The following PLXNA4 variants were observed in gnomAD, a reference collection of about 807,000 sequenced individuals.
PLXNA4 encodes plexin-A4.
In PLXNA4, 44 loss-of-function variants were observed where a neutral mutation model predicts 191.8. The observed-to-expected ratio is 0.23, with a 90% confidence interval of 0.18 to 0.29. PLXNA4 has a LOEUF of 0.29. Among genes scored for constraint, PLXNA4 ranks in the 10% least tolerant of loss-of-function variants. The pLI, the probability that PLXNA4 is intolerant of heterozygous loss-of-function variation, is 1.00. For missense variants in PLXNA4, 1,800 were observed against 2,488.8 expected, an observed-to-expected ratio of 0.72 and a Z score of 5.89; for synonymous variants, 1,082 against 1,009.5, an observed-to-expected ratio of 1.07 and a Z score of -1.36.
At chr7:132,261,753 C>A (rs1047329266) in intron 4 of PLXNA4, among the ~76,000 whole-genome samples, 3 of 152,214 alleles carry the variant, frequency 2.0e-5, no homozygotes, top group Non-Finnish European at 2.9e-5. Flanking sequence ...CCGAGCACAT[C>A]CTCTGGGTAG....
chr7:132,515,383 A>G (rs1798899155), intron 1 of PLXNA4, among the ~76,000 whole-genome samples: 1 of 152,196 alleles, frequency 6.6e-6, no homozygotes, highest in Non-Finnish European at 1.5e-5. Context: ...GCAAGTCAAA[A>G]AAAATTTTTC....
At chr7:132,265,354 A>G (rs571076690) in intron 4 of PLXNA4, among the ~76,000 whole-genome samples, 2 of 152,342 alleles carry the variant, frequency 1.3e-5, no homozygotes, top group East Asian at 3.9e-4. Flanking sequence ...GTCTATCCCA[A>G]GCTAAGTACT....
rs184611121 is a variant in PLXNA4 at position 132,327,784 on chromosome 7, G to A, written c.1372-29562C>T. On this transcript the variant is annotated intron_variant, in intron 3 of 31. Transcript: ENST00000321063. ...ATCTCTAAAACAGAGCAGAGCACAC[G>A]GTCCATTGTGCCCTGTGTATGAAGA... 1.0e-3 allele frequency among the ~76,000 whole-genome samples: 157 copies of A among 152,234 alleles called. 1 individual carries two copies. Among genetic ancestry groups the A allele is most frequent in the Middle Eastern group, 0.01 (3 of 294 alleles).
chr7:132,509,272 G>A (rs275835), intron 1 of PLXNA4, among the ~76,000 whole-genome samples: 57,533 of 151,884 alleles, frequency 0.38, 11,231 homozygotes, highest in African/African-American at 0.47. Flanking sequence ...CAGTTTCTCC[G>A]TCTCCAGGCT....
At chr7:132,155,694 TC>T (rs1258972173) in intron 25 of PLXNA4, among the ~76,000 whole-genome samples, 1 of 152,182 alleles carries the variant, frequency 6.6e-6, no homozygotes, top group Non-Finnish European at 1.5e-5. Context: ...CCCGCTGTGG[TC>T]GCTGTCCTTC....
At chr7:132,269,690 C>T (rs1414910457) in intron 4 of PLXNA4, among the ~76,000 whole-genome samples, 1 of 151,838 alleles carries the variant, frequency 6.6e-6, no homozygotes, top group Non-Finnish European at 1.5e-5. Context: ...CAACTGTTGC[C>T]CTTCCAAAAA....
chr7:132,284,990 T>A (rs1800629793), intron 4 of PLXNA4, among the ~76,000 whole-genome samples: 1 of 152,024 alleles, frequency 6.6e-6, no homozygotes, highest in East Asian at 1.9e-4. Flanking sequence ...GCTGGGATTA[T>A]AGGTGTGAGC....
chr7:132,275,251 C>T (rs1035504231), intron 4 of PLXNA4, among the ~76,000 whole-genome samples: 1 of 152,032 alleles, frequency 6.6e-6, no homozygotes, highest in Non-Finnish European at 1.5e-5. Context: ...TATAGAACCA[C>T]AGGAAGTTGT....
intron 30 of PLXNA4, among the ~76,000 whole-genome samples, chr7:132,138,953 G>C (rs763676358): frequency 1.1e-4 from 17 of 152,182 alleles, no homozygotes; most frequent in Non-Finnish European, 1.9e-4. Flanking sequence ...TGTGGCACTC[G>C]GATGACCAAC....
At chr7:132,174,677 T>C in intron 21 of PLXNA4, 101 bp downstream of exon 21, 1 of 1,537,106 alleles carries the variant, frequency 6.5e-7, no homozygotes. Context: ...TTGTGTCCCC[T>C]CCCTGGCCTT....
chr7:132,163,536 G>A (rs1261174213), intron 24 of PLXNA4, among the ~76,000 whole-genome samples: 1 of 152,180 alleles, frequency 6.6e-6, no homozygotes, highest in Non-Finnish European at 1.5e-5. Context: ...TGATCCCAAA[G>A]GCCATGCTCT....
chr7:132,646,438 T>G (rs1803871612), intron 1 of PLXNA4, among the ~76,000 whole-genome samples: 1 of 152,150 alleles, frequency 6.6e-6, no homozygotes, highest in African/African-American at 2.4e-5. Flanking sequence ...TGGTGGTATT[T>G]GGAGATGGGG....
At chr7:132,575,981 C>T (rs2116795099) in intron 1 of PLXNA4, among the ~76,000 whole-genome samples, 1 of 152,316 alleles carries the variant, frequency 6.6e-6, no homozygotes, top group Non-Finnish European at 1.5e-5. Flanking sequence ...GGCCACGGGG[C>T]CGCGATGACA....
chr7:132,172,413 C>T (rs1034762503), intron 21 of PLXNA4, among the ~76,000 whole-genome samples: 1 of 152,178 alleles, frequency 6.6e-6, no homozygotes, highest in South Asian at 2.1e-4. Context: ...GTGACCTCCC[C>T]TCCAGGACAG....
chr7:132,179,423 C>T (rs1796625721), intron 20 of PLXNA4, among the ~76,000 whole-genome samples: 1 of 141,268 alleles, frequency 7.1e-6, no homozygotes, highest in African/African-American at 3.0e-5. Flanking sequence ...CACACAGACA[C>T]ATATACAGCC....
intron 3 of PLXNA4, chr7:132,384,047 G>C: frequency 1.0e-6 from 1 of 985,448 alleles, no homozygotes; most frequent in Non-Finnish European, 1.2e-6. Context: ...GAGACACAGA[G>C]GGGTTGCCTG....
At chr7:132,147,450 CCAG>C (rs1300839049) in intron 27 of PLXNA4, among the ~76,000 whole-genome samples, 1 of 152,150 alleles carries the variant, frequency 6.6e-6, no homozygotes, top group East Asian at 1.9e-4. Flanking sequence ...TACCCCACCT[CCAG>C]CACCCTCTCC....
rs748984178 is a variant in PLXNA4 at position 132,178,845 on chromosome 7, T to TATAC, written c.3874+841_3874+842insGTAT. Among the ~76,000 whole-genome samples, 3 of 83,540 alleles carry TATAC rather than the reference T, an allele frequency of 3.6e-5. 1 individual carries two copies. Among genetic ancestry groups the TATAC allele is most frequent in the Admixed American group, 2.4e-4 (2 of 8,276 alleles). 54.8% of individuals were successfully genotyped at this position (83,540 alleles called of 152,430 possible). On this transcript the variant is annotated intron_variant, in intron 20 of 31. Coordinates refer to ENST00000321063, the MANE Select transcript of PLXNA4 (RefSeq NM_020911.2). ...TGAAACACATACACATACACATATA[T>TATAC]ACACACACACACACACACACACACA...
chr7:132,165,118 C>T lies in PLXNA4; in HGVS notation c.4353+16G>A, dbSNP rs1796084543. The T allele has an allele frequency of 6.2e-7, 1 of 1,611,092 alleles. No individual in the cohort carries two copies. The highest frequency in any genetic ancestry group is 1.7e-5 in the Admixed American group (1 of 59,802). On this transcript the variant is annotated intron_variant, in intron 23 of 31. Coordinates refer to ENST00000321063, the MANE Select transcript of PLXNA4 (RefSeq NM_020911.2). ...GAACGAGGCAAGGCCAGAAATACGT[C>T]CACATCCAACCCTACCTTGAGGAAC... is the stretch of plus-strand genomic sequence containing the variant.
Sources: allele counts gnomAD v4.1 joint callset (sites outside exome capture counted in the v4.1 genomes callset), GRCh38; gene constraint gnomAD v4.1.1; transcripts MANE v1.5; gene names NCBI Gene and HGNC (gene_info 2026-07-23, HGNC 2026-07-21).